DTNA: variants seen among roughly 807,000 people sequenced by gnomAD.
The protein encoded by DTNA is dystrobrevin alpha.
In DTNA, 43 loss-of-function variants were observed where a neutral mutation model predicts 100.7. That is an observed-to-expected ratio of 0.43 (90% CI 0.33 to 0.55). The LOEUF is 0.55. Ranked by LOEUF, DTNA falls within the 20% of genes least tolerant of loss-of-function variation. The probability of loss-of-function intolerance (pLI) is 0.04; values close to 1 mark genes in which losing one functional copy is unlikely to be tolerated. For synonymous variants in DTNA, 349 were observed against 347.9 expected, an observed-to-expected ratio of 1.00 and a Z score of -0.04; for missense variants, 798 against 953.9, an observed-to-expected ratio of 0.84 and a Z score of 2.15.
rs181051839 is a variant in DTNA, at chr18:34,658,414, G to A, written c.-1-97562G>A. Among the ~76,000 whole-genome samples, 59 of 152,252 alleles carry A rather than the reference G, an allele frequency of 3.9e-4. No individual in the cohort carries two copies. In the South Asian group the frequency reaches 7.3e-3, roughly 19 times the overall value. ...ATCACCCAGGCTGGAGCGCAGTGGC[G>A]TGATCTTGGCTCACTGTAATCTCTG... On this transcript the variant is annotated intron_variant, in intron 1 of 19. Coordinates refer to the DTNA transcript ENST00000283365.
At chr18:34,805,770 T>C (rs2095344853) in intron 4 of DTNA, among the ~76,000 whole-genome samples, 1 of 144,590 alleles carries the variant, frequency 6.9e-6, no homozygotes, top group African/African-American at 2.6e-5. Flanking sequence ...AACCTCAAAT[T>C]CAGAAATTCT....
At chr18:34,857,658 T>C (rs1329400964) in intron 15 of DTNA, among the ~76,000 whole-genome samples, 1 of 152,188 alleles carries the variant, frequency 6.6e-6, no homozygotes, top group Non-Finnish European at 1.5e-5. Flanking sequence ...TTAAAAGCAC[T>C]TTCCTTCTAA....
rs1300560003 is a variant in DTNA, at chr18:34,891,762, C to A, written c.*4028C>A. 5 of 152,192 alleles carry A rather than the reference C, an allele frequency of 3.3e-5. No individual in the cohort carries two copies. Among genetic ancestry groups the A allele is most frequent in the Non-Finnish European group, 5.9e-5 (4 of 68,040 alleles). 9.4% of individuals were successfully genotyped at this position (152,192 alleles called of 1,614,324 possible). The stretch of plus-strand genomic sequence containing the variant: ...GTGACTTCACTCAATTCTTTGAATC[C>A]TCTGCATCTAGCCATGTATTCTGCA... On this transcript the variant is annotated 3_prime_UTR_variant, in exon 23 of 23. Coordinates refer to ENST00000444659, the MANE Select transcript of DTNA (RefSeq NM_001386795.1).
At chr18:34,665,535 TTAACATTAGGTATATCTCCTA>T (rs1272035001) in intron 1 of DTNA, among the ~76,000 whole-genome samples, 1 of 152,146 alleles carries the variant, frequency 6.6e-6, no homozygotes, top group Admixed American at 6.6e-5. Context: ...AACTCTTCAT[TTAACATTAGGTATATCTCCTA>T]ATGCTATCCC....
At chr18:34,587,065 C>T (rs1206871060) in intron 1 of DTNA, among the ~76,000 whole-genome samples, 3 of 151,852 alleles carry the variant, frequency 2.0e-5, no homozygotes, top group African/African-American at 7.3e-5. Flanking sequence ...TGGGCTCAAG[C>T]AATCCTTCCA....
Position 34,889,394 on chromosome 18 carries a change from G to A in DTNA, c.*1660G>A, listed in dbSNP as rs1243857061. ...TTTAGTCAACCCTCTAGGTGATTCT[G>A]ATGCTCGCTAAAGGTTGAGAACTAC... On this transcript the variant is annotated 3_prime_UTR_variant, in exon 23 of 23. Coordinates refer to ENST00000444659, the MANE Select transcript of DTNA (RefSeq NM_001386795.1). 1.0e-6 allele frequency: 1 copy of A among 985,106 alleles called. No homozygotes were observed. Among genetic ancestry groups the A allele is most frequent in the East Asian group, 1.1e-4 (1 of 8,816 alleles). 61.0% of individuals were successfully genotyped at this position (985,106 alleles called of 1,614,324 possible).
rs1601532509 is a variant in DTNA at position 34,757,383 on chromosome 18, A to C, written c.67+1340A>C. The C allele has an allele frequency of 3.9e-5, 6 of 152,274 alleles. No individual in the cohort carries two copies. In the South Asian group the frequency reaches 1.0e-3, roughly 26 times the overall value. The allele number at this position is 152,274 out of a possible 1,614,324, so 9.4% of individuals were successfully genotyped here. A position where few individuals can be genotyped will look rare whatever the true frequency, so the allele number is the denominator to read the frequency against. ...AAAAAGGCATAAAATTATGTCTTAT[A>C]TTATAAGACATCATGGGACAATGTC... On this transcript the variant is annotated intron_variant, in intron 2 of 22. Transcript: ENST00000444659.
At chr18:34,556,025 C>G (rs2045998028) in intron 1 of DTNA, among the ~76,000 whole-genome samples, 1 of 150,356 alleles carries the variant, frequency 6.7e-6, no homozygotes. Context: ...GTAGGTCACT[C>G]AGGACTTGCT....
rs990095219 is a variant in DTNA at position 34,891,436 on chromosome 18, A to G, written c.*3702A>G. The G allele has an allele frequency of 6.6e-6, 1 of 152,486 alleles. No individual in the cohort carries two copies. Among genetic ancestry groups the G allele is most frequent in the African/African-American group, 2.4e-5 (1 of 41,428 alleles). 9.4% of individuals were successfully genotyped at this position (152,486 alleles called of 1,614,324 possible). On this transcript the variant is annotated 3_prime_UTR_variant, in exon 23 of 23. Coordinates refer to ENST00000444659, the MANE Select transcript of DTNA (RefSeq NM_001386795.1). ...GTGGTTTATTCCTTTGTTTCAGTGA[A>G]TCTTTCCTAAAGCAACGTGGAGTCA...
In DTNA at chr18:34,506,677, T is replaced by G. The variant is rs148189570; in HGVS notation, c.-2+13163T>G. Among the ~76,000 whole-genome samples the G allele has an allele frequency of 2.0e-3, 300 of 152,306 alleles. 1 individual carries two copies. Among genetic ancestry groups the G allele is most frequent in the South Asian group, 8.9e-3 (43 of 4,828 alleles). On this transcript the variant is annotated intron_variant, in intron 1 of 19. Transcript: ENST00000283365. ...GTTGTGCCTGATGGCATTTCTGGGTTTCCAGTTTCTTTAGCCCCAAGAATT... is the reference window on the plus strand; with the variant it reads ...GTTGTGCCTGATGGCATTTCTGGGTGTCCAGTTTCTTTAGCCCCAAGAATT...
At chr18:34,846,670 A>G (rs1020090207) in intron 13 of DTNA, among the ~76,000 whole-genome samples, 1 of 152,204 alleles carries the variant, frequency 6.6e-6, no homozygotes, top group African/African-American at 2.4e-5. Flanking sequence ...ACCAGAAAAA[A>G]AAAACAAACC....
At chr18:34,526,728 C>T (rs2042659057) in intron 1 of DTNA, among the ~76,000 whole-genome samples, 1 of 152,032 alleles carries the variant, frequency 6.6e-6, no homozygotes, top group African/African-American at 2.4e-5. Context: ...GAAGTTGACC[C>T]TTCTATTGTT....
intron 1 of DTNA, among the ~76,000 whole-genome samples, chr18:34,545,158 G>C (rs1203394609): frequency 1.3e-5 from 2 of 152,014 alleles, no homozygotes; most frequent in South Asian, 2.1e-4. Flanking sequence ...GGGACATAGG[G>C]AAGTATGAGT....
chr18:34,641,673 T>G (rs947402449), intron 1 of DTNA, among the ~76,000 whole-genome samples: 1 of 152,234 alleles, frequency 6.6e-6, no homozygotes, highest in Non-Finnish European at 1.5e-5. Flanking sequence ...TATCATTGCG[T>G]CTCAAATTGA....
intron 1 of DTNA, among the ~76,000 whole-genome samples, chr18:34,618,692 G>A (rs572043447): frequency 2.2e-4 from 34 of 152,244 alleles, no homozygotes; most frequent in Non-Finnish European, 4.9e-4. Context: ...TGTGATAAAA[G>A]AAAACAATTA....
Position 34,736,002 on chromosome 18 carries a change from T to G in DTNA, c.-1-19974T>G, listed in dbSNP as rs74840094. On this transcript the variant is annotated intron_variant, in intron 1 of 22. Transcript: ENST00000444659. Reference sequence around the variant, plus strand: ...CTTTTGACTTTACTACTTTTGGAATTTATTTCTCATTCAAAAATTGAAGCC... The same window carrying G: ...CTTTTGACTTTACTACTTTTGGAATGTATTTCTCATTCAAAAATTGAAGCC... Among the ~76,000 whole-genome samples, 991 of 152,276 alleles carry G rather than the reference T, an allele frequency of 6.5e-3. 7 individuals are homozygous for G. Among genetic ancestry groups the G allele is most frequent in the Non-Finnish European group, 0.011 (719 of 68,006 alleles).
chr18:34,736,521 A>G (rs2089627932), intron 1 of DTNA, among the ~76,000 whole-genome samples: 1 of 152,214 alleles, frequency 6.6e-6, no homozygotes, highest in African/African-American at 2.4e-5. Flanking sequence ...GATTGTACAG[A>G]CAGAATCAAA....
At chr18:34,631,159 C>T in intron 1 of DTNA, among the ~76,000 whole-genome samples, 1 of 152,164 alleles carries the variant, frequency 6.6e-6, no homozygotes, top group East Asian at 1.9e-4. Context: ...GGGTTTAAAG[C>T]ACACGTAGCG....
chr18:34,809,898 A>G (rs1170871964), intron 5 of DTNA, among the ~76,000 whole-genome samples: 2 of 152,204 alleles, frequency 1.3e-5, no homozygotes, highest in African/African-American at 4.8e-5. Context: ...GTGTAATTCC[A>G]GGGAGCATCA....
Sources: allele counts gnomAD v4.1 joint callset (sites outside exome capture counted in the v4.1 genomes callset), GRCh38; gene constraint gnomAD v4.1.1; transcripts MANE v1.5; gene names NCBI Gene and HGNC (gene_info 2026-07-23, HGNC 2026-07-21).